Variants in AGBL1 observed in about 807,000 individuals in gnomAD.
AGBL1 encodes AGBL carboxypeptidase 1.
A neutral mutation model predicts 118.9 loss-of-function variants in AGBL1; 130 were observed. The observed-to-expected ratio is 1.09, with a 90% CI of 0.95 to 1.26. The LOEUF (loss-of-function observed/expected upper bound fraction) is 1.26. Ranked by LOEUF, AGBL1 falls within the 50% of genes most tolerant of loss-of-function variation. AGBL1 has a pLI of 0.00. For synonymous variants in AGBL1, 555 were observed against 478.9 expected (o/e 1.16, Z -2.08); for missense variants, 1,584 against 1,298.1 (o/e 1.22, Z -3.38).
In AGBL1 at chr15:86,911,182, C is replaced by G. The variant is rs1194284808; in HGVS notation, c.*3888C>G. 1 of 152,372 alleles carries G rather than the reference C, an allele frequency of 6.6e-6. No homozygotes were observed. Among genetic ancestry groups the G allele is most frequent in the East Asian group, 1.9e-4 (1 of 5,192 alleles). 9.4% of individuals were successfully genotyped at this position (152,372 alleles called of 1,614,324 possible). On this transcript the variant is annotated 3_prime_UTR_variant, in exon 23 of 23. Coordinates refer to ENST00000614907, the MANE Select transcript of AGBL1 (RefSeq NM_001386094.1). ...AGGCGATGTTGGGGCAGGCCAAGTG[C>G]ATGCTGTCCTGTACCAACTGTCATC... is the stretch of plus-strand genomic sequence containing the variant.
At chr15:86,559,476 T>C (rs2083782682) in intron 21 of AGBL1, among the ~76,000 whole-genome samples, 1 of 152,200 alleles carries the variant, frequency 6.6e-6, no homozygotes, top group Non-Finnish European at 1.5e-5. Flanking sequence ...CAGATTTTCT[T>C]GGAACATCTT....
chr15:86,664,295 C>G (rs745500277), intron 21 of AGBL1, among the ~76,000 whole-genome samples: 1 of 152,130 alleles, frequency 6.6e-6, no homozygotes, highest in African/African-American at 2.4e-5. Flanking sequence ...TTGTTGGGGT[C>G]GATAAGTGGA....
chr15:86,556,697 T>C (rs2083739094), intron 21 of AGBL1, among the ~76,000 whole-genome samples: 1 of 152,240 alleles, frequency 6.6e-6, no homozygotes, highest in Non-Finnish European at 1.5e-5. Flanking sequence ...AAATGCTTTT[T>C]GTACATTGGG....
intron 18 of AGBL1, among the ~76,000 whole-genome samples, chr15:86,492,092 G>A (rs1180731218): frequency 1.3e-5 from 2 of 151,988 alleles, no homozygotes; most frequent in Non-Finnish European, 2.9e-5. Flanking sequence ...AATAGTGAGG[G>A]AAATTTGTAT....
intron 3 of AGBL1, among the ~76,000 whole-genome samples, chr15:86,147,187 A>G (rs1280858849): frequency 6.6e-6 from 1 of 152,222 alleles, no homozygotes; most frequent in Non-Finnish European, 1.5e-5. Context: ...TGCAGCAACT[A>G]GCGTGACTGA....
chr15:86,278,868 A>G (rs1220922178), intron 15 of AGBL1, among the ~76,000 whole-genome samples: 2 of 152,244 alleles, frequency 1.3e-5, no homozygotes, highest in Non-Finnish European at 2.9e-5. Flanking sequence ...TGTTCTCTGA[A>G]GTATCAAAAT....
chr15:86,137,600 A>AT (rs536486448), intron 1 of AGBL1, among the ~76,000 whole-genome samples: 14 of 150,452 alleles, frequency 9.3e-5, no homozygotes, highest in South Asian at 4.2e-4. Context: ...TTTGTTTTAA[A>AT]TTTTTTTTTT....
In AGBL1 at chr15:86,127,444, T is replaced by C. The variant is rs937173275; in HGVS notation, c.52-14560T>C. ...GTTGCAGGATAGGAAATCCAGTGTCTGTGGATCTTGATTACTTTGGCCTAT... is the reference window on the plus strand; with the variant it reads ...GTTGCAGGATAGGAAATCCAGTGTCCGTGGATCTTGATTACTTTGGCCTAT... On this transcript the variant is annotated intron_variant, in intron 1 of 22. Coordinates refer to ENST00000614907, the MANE Select transcript of AGBL1 (RefSeq NM_001386094.1). 3.3e-5 allele frequency among the ~76,000 whole-genome samples: 5 copies of C among 152,204 alleles called. No homozygotes were observed. The East Asian group carries it at 7.7e-4, about 23-fold the overall frequency.
intron 18 of AGBL1, among the ~76,000 whole-genome samples, chr15:86,453,866 G>T (rs542424851): frequency 6.6e-6 from 1 of 152,280 alleles, no homozygotes; most frequent in East Asian, 1.9e-4. Flanking sequence ...ATCATATTTT[G>T]TAATAGATAT....
At chr15:86,220,807 T>A (rs952545190) in intron 5 of AGBL1, among the ~76,000 whole-genome samples, 2 of 152,200 alleles carry the variant, frequency 1.3e-5, no homozygotes. Context: ...GCACTTCTAC[T>A]TTCTATCTCC....
chr15:86,223,622 A>G (rs561987933), intron 5 of AGBL1, among the ~76,000 whole-genome samples: 3 of 152,314 alleles, frequency 2.0e-5, no homozygotes, highest in East Asian at 1.9e-4. Flanking sequence ...TAGTCCATCC[A>G]TGAAAGCTAG....
intron 23 of AGBL1, among the ~76,000 whole-genome samples, chr15:86,930,584 T>C (rs1490571846): frequency 1.3e-5 from 2 of 152,236 alleles, no homozygotes; most frequent in South Asian, 4.1e-4. Context: ...CCCTTAAAAA[T>C]AAACAATTAT....
intron 21 of AGBL1, among the ~76,000 whole-genome samples, chr15:86,600,739 A>G (rs2084479708): frequency 6.6e-6 from 1 of 152,166 alleles, no homozygotes; most frequent in East Asian, 1.9e-4. Context: ...CCTCACCTCC[A>G]AAACAATTCC....
intron 21 of AGBL1, among the ~76,000 whole-genome samples, chr15:86,627,983 G>A (rs189456347): frequency 1.9e-4 from 29 of 152,318 alleles, no homozygotes; most frequent in Admixed American, 5.2e-4. Flanking sequence ...ACACAGACAC[G>A]GGGCTGTTTA....
chr15:86,313,938 T>C (rs1319143872), intron 17 of AGBL1, among the ~76,000 whole-genome samples: 4 of 152,146 alleles, frequency 2.6e-5, no homozygotes, highest in Non-Finnish European at 5.9e-5. Context: ...CTCAAATAAT[T>C]AGAGACAGGG....
At chr15:86,791,728 T>TTATATATATATATATATATA (rs3059670) in intron 22 of AGBL1, among the ~76,000 whole-genome samples, 57 of 142,884 alleles carry the variant, frequency 4.0e-4, no homozygotes, top group African/African-American at 1.1e-3. Context: ...TCCTTGTTTT[T>TTATATATATATATATATATA]TATATATATA....
intron 22 of AGBL1, among the ~76,000 whole-genome samples, chr15:86,724,910 T>C (rs2086796144): frequency 6.6e-6 from 1 of 152,184 alleles, no homozygotes; most frequent in African/African-American, 2.4e-5. Flanking sequence ...CAGAAGTAGA[T>C]ACTGACAGCA....
chr15:86,200,162 T>A (rs938641104), intron 5 of AGBL1, among the ~76,000 whole-genome samples: 2 of 152,264 alleles, frequency 1.3e-5, no homozygotes, highest in African/African-American at 4.8e-5. Flanking sequence ...TTTAATTTTT[T>A]AAAATTATGA....
chr15:86,210,277 C>G (rs2078069758), intron 5 of AGBL1, among the ~76,000 whole-genome samples: 1 of 152,134 alleles, frequency 6.6e-6, no homozygotes, highest in Non-Finnish European at 1.5e-5. Context: ...CTTGGCGAAC[C>G]TGACAATTAT....
Sources: allele counts gnomAD v4.1 joint callset (sites outside exome capture counted in the v4.1 genomes callset), GRCh38; gene constraint gnomAD v4.1.1; transcripts MANE v1.5; gene names NCBI Gene and HGNC (gene_info 2026-07-23, HGNC 2026-07-21).